RNF212: variants seen among roughly 807,000 people sequenced by gnomAD.
RNF212 encodes the protein ring finger protein 212, also known as probable E3 SUMO-protein ligase RNF212.
Under a neutral mutation model 34.7 loss-of-function variants are expected in RNF212, and 33 were observed. The ratio of observed to expected loss-of-function variants is 0.95; its 90% CI spans 0.72 to 1.27. The LOEUF (loss-of-function observed/expected upper bound fraction) is 1.27, where lower values mean the gene tolerates loss of function less well. RNF212 is among the 50% of genes most tolerant of loss of function. RNF212 has a pLI of 0.00. For missense variants in RNF212, 377 were observed against 362.2 expected, an observed-to-expected ratio of 1.04 and a Z score of -0.33; for synonymous variants, 140 against 136.1, an observed-to-expected ratio of 1.03 and a Z score of -0.20.
downstream of RNF212, among the ~76,000 whole-genome samples, chr4:1,068,465 T>A (rs939361506): frequency 6.6e-6 from 1 of 152,238 alleles, no homozygotes; most frequent in African/African-American, 2.4e-5. Flanking sequence ...GAGTCTCATC[T>A]TCTGCTCTAC....
At chr4:1,090,529 A>G (rs575845941) in intron 4 of RNF212, among the ~76,000 whole-genome samples, 1 of 152,282 alleles carries the variant, frequency 6.6e-6, no homozygotes, top group Non-Finnish European at 1.5e-5. Context: ...GGCTGAGGGG[A>G]TAAGTGTGGC....
intron 3 of RNF212, among the ~76,000 whole-genome samples, chr4:1,062,076 C>T (rs896634738): frequency 3.3e-5 from 5 of 152,108 alleles, no homozygotes; most frequent in African/African-American, 1.2e-4. Context: ...AACACAAAAA[C>T]AGAAATGCTA....
intron 8 of RNF212, among the ~76,000 whole-genome samples, chr4:1,078,992 A>G (rs1186360095): frequency 2.8e-5 from 4 of 143,092 alleles, no homozygotes; most frequent in African/African-American, 8.5e-5. Context: ...TCAACACAGG[A>G]CCAACATAGG....
downstream of RNF212, among the ~76,000 whole-genome samples, chr4:1,068,284 G>T (rs543038712): frequency 6.6e-6 from 1 of 152,224 alleles, no homozygotes; most frequent in Admixed American, 6.5e-5. Context: ...GACAGGGTCC[G>T]GAAGAAAGCC....
rs181488265 is a variant in RNF212, at chr4:1,088,121, A to G, written c.304-2167T>C. Reference sequence around the variant, plus strand: ...TGGAACAATTTGGAGGGCTCAGAAAAAGACAGAAAGGTGTGAGAAAGTTTG... The same window carrying G: ...TGGAACAATTTGGAGGGCTCAGAAAGAGACAGAAAGGTGTGAGAAAGTTTG... On this transcript the variant is annotated intron_variant, in intron 4 of 9. Transcript: ENST00000433731. 2.1e-3 allele frequency among the ~76,000 whole-genome samples: 319 copies of G among 152,290 alleles called. 10 individuals are homozygous for G. In the South Asian group the frequency reaches 0.055, roughly 26 times the overall value.
chr4:1,090,729 T>C, intron 4 of RNF212, 53 bp downstream of exon 4: 1 of 982,968 alleles, frequency 1.0e-6, no homozygotes, highest in South Asian at 1.3e-5. Context: ...AAGTCTGACA[T>C]TTAAATCTAA....
intron 4 of RNF212, among the ~76,000 whole-genome samples, chr4:1,057,494 G>C (rs1273999496): frequency 6.6e-6 from 1 of 152,148 alleles, no homozygotes; most frequent in Admixed American, 6.5e-5. Flanking sequence ...CCGGGGCTGG[G>C]GCTGAGTCCA....
intron 8 of RNF212, among the ~76,000 whole-genome samples, chr4:1,077,122 G>A (rs190152894): frequency 6.6e-6 from 1 of 152,290 alleles, no homozygotes; most frequent in East Asian, 1.9e-4. Flanking sequence ...CAGCTACTCG[G>A]GAGGCTGAGG....
chr4:1,058,203 G>C (rs1375580021), intron 4 of RNF212: 1 of 197,060 alleles, frequency 5.1e-6, no homozygotes, highest in South Asian at 1.8e-4. Flanking sequence ...GTTTTATTTT[G>C]CTGACAATTT....
At chr4:1,078,068 C>T (rs534729897) in intron 8 of RNF212, among the ~76,000 whole-genome samples, 28 of 152,190 alleles carry the variant, frequency 1.8e-4, no homozygotes, top group Non-Finnish European at 2.9e-4. Flanking sequence ...CTCCATCATC[C>T]GGCTCCGGGT....
chr4:1,090,600 G>T (rs547074201), intron 4 of RNF212, among the ~76,000 whole-genome samples, 182 bp downstream of exon 4: 1 of 152,270 alleles, frequency 6.6e-6, no homozygotes, highest in African/African-American at 2.4e-5. Context: ...ACAGACAAGG[G>T]TTGGGCAAAT....
At chr4:1,065,526 G>T (rs565069775) in intron 3 of RNF212, among the ~76,000 whole-genome samples, 17 of 64,376 alleles carry the variant, frequency 2.6e-4, no homozygotes, top group African/African-American at 1.4e-3. Context: ...GGGGTGCAGT[G>T]GTATGATCAC....
rs769387732 is a variant in RNF212, at chr4:1,072,124, A to G, written c.*750T>C. 6.6e-6 allele frequency: 1 copy of G among 152,226 alleles called. No homozygotes were observed. The highest frequency in any genetic ancestry group is 1.5e-5 in the Non-Finnish European group (1 of 68,046). 9.4% of individuals were successfully genotyped at this position (152,226 alleles called of 1,614,324 possible). On this transcript the variant is annotated 3_prime_UTR_variant, in exon 10 of 10. Coordinates refer to ENST00000433731, the MANE Select transcript of RNF212 (RefSeq NM_001131034.4). ...GCAAACCATGAGAAGAGATGGGGGA[A>G]CCATAAGTGTGTATTGCTAAGTGAA...
chr4:1,113,606 AGCTC>A, upstream of RNF212: 1 of 555,364 alleles, frequency 1.8e-6, no homozygotes, highest in Non-Finnish European at 3.0e-6. Flanking sequence ...CGCGCACTGG[AGCTC>A]GCGCCCTCCC....
At chr4:1,085,704 CTTTTT>C (rs1375835960) in intron 5 of RNF212, 187 bp downstream of exon 5, 2 of 597,034 alleles carry the variant, frequency 3.3e-6, no homozygotes, top group African/African-American at 3.7e-5. Flanking sequence ...TTCACTTTTT[CTTTTT>C]TGTCTCCCTT....
Position 1,081,605 on chromosome 4 carries a change from T to C in RNF212, c.377A>G (p.Gln126Arg). ...IEQLQSMRSSQQTAFSTIKSS... is the reference protein window; with the variant it reads ...IEQLQSMRSSRQTAFSTIKSS... ...TTTTATTGTGCTGAAAGCTGTTTGT[T>C]GTGATGATCTCATACTAAATAGATG... The change falls in exon 6 of 10, where the codon CAA becomes CGA. Residue 126 changes from glutamine (Q) to arginine (R), a missense_variant. Transcript: ENST00000433731. 5 of 1,609,086 alleles carry C rather than the reference T, an allele frequency of 3.1e-6. No individual in the cohort carries two copies. The highest frequency in any genetic ancestry group is 4.3e-6 in the Non-Finnish European group (5 of 1,175,478).
intron 3 of RNF212, among the ~76,000 whole-genome samples, chr4:1,091,548 G>C (rs1722186169): frequency 3.3e-5 from 5 of 152,172 alleles, no homozygotes; most frequent in African/African-American, 9.6e-5. Flanking sequence ...GCGTCCTCTA[G>C]CTCCATCCCC....
intron 1 of RNF212, among the ~76,000 whole-genome samples, chr4:1,110,207 G>C (rs888740959): frequency 3.9e-5 from 6 of 152,234 alleles, no homozygotes; most frequent in Admixed American, 3.9e-4. Context: ...GTGCTCACTA[G>C]TCAATTAGAA....
chr4:1,113,176 C>T (rs1269205762), intron 1 of RNF212, among the ~76,000 whole-genome samples, 180 bp downstream of exon 1: 1 of 7,200 alleles, frequency 1.4e-4, no homozygotes, highest in East Asian at 1.4e-3. Context: ...CTGCTCCTCG[C>T]GGCCTCTCCC....
Sources: allele counts gnomAD v4.1 joint callset (sites outside exome capture counted in the v4.1 genomes callset), GRCh38; gene constraint gnomAD v4.1.1; transcripts MANE v1.5; gene names NCBI Gene and HGNC (gene_info 2026-07-23, HGNC 2026-07-21).